Variants in CDH23 observed in about 807,000 individuals in gnomAD.
CDH23 encodes the protein cadherin related 23.
A neutral mutation model predicts 317.1 loss-of-function variants in CDH23; 189 were observed. The ratio of observed to expected loss-of-function variants is 0.60; its 90% CI spans 0.53 to 0.67. The LOEUF (loss-of-function observed/expected upper bound fraction) is 0.67. CDH23 is among the 30% of genes least tolerant of loss of function. The pLI, the probability that CDH23 is intolerant of heterozygous loss-of-function variation, is 0.00. For missense variants in CDH23, 4,401 were observed against 4,592.4 expected (o/e 0.96, Z 1.20); for synonymous variants, 1,839 against 1,876.8 (o/e 0.98, Z 0.52).
rs116149285 is a variant in CDH23, at chr10:71,468,042, G to A, written c.145+21647G>A. On this transcript the variant is annotated intron_variant, in intron 3 of 69. Transcript: ENST00000224721. ...CTTCCCTCTTAGAGAGGAATTGCGG[G>A]CGAAACAAACCCTGATGGAAGCTCT... Among the ~76,000 whole-genome samples the A allele has an allele frequency of 3.9e-3, 595 of 152,242 alleles. 4 individuals carry two copies. The highest frequency in any genetic ancestry group is 0.013 in the African/African-American group (554 of 41,528).
intron 14 of CDH23, among the ~76,000 whole-genome samples, chr10:71,650,305 C>T (rs1046866289): frequency 5.9e-5 from 9 of 152,226 alleles, no homozygotes; most frequent in Non-Finnish European, 4.4e-5. Context: ...ACCAAGGCAG[C>T]CCAGAGCTGT....
chr10:71,753,770 CA>C (rs1840065442), intron 38 of CDH23: 4 of 456,296 alleles, frequency 8.8e-6, no homozygotes, highest in South Asian at 6.2e-5. Context: ...GATGGGGAAA[CA>C]GATGGTGGGG....
At chr10:71,596,850 G>A (rs1314047236) in intron 9 of CDH23, among the ~76,000 whole-genome samples, 2 of 152,170 alleles carry the variant, frequency 1.3e-5, no homozygotes, top group Non-Finnish European at 2.9e-5. Flanking sequence ...ACTCCACAAT[G>A]CCCCTTGCCC....
Position 71,811,390 on chromosome 10 carries a change from GCCTGCCATCTCTGTCCGGC to G in CDH23, c.9154_9172del (p.Pro3052CysfsTer29). 6.2e-7 allele frequency: 1 copy of G among 1,613,954 alleles called. No individual in the cohort carries two copies. Among genetic ancestry groups the G allele is most frequent in the Non-Finnish European group, 8.5e-7 (1 of 1,179,904 alleles). ...GGAACTACAACGTCCTGGACGTGCA[GCCTGCCATCTCTGTCCGGC>G]TGCCGGATGACATGTCTGCCCTGCA... On this transcript the variant is annotated frameshift_variant, in exon 63 of 70. Transcript: ENST00000224721. LOFTEE classifies it high-confidence loss of function.
intron 6 of CDH23, among the ~76,000 whole-genome samples, chr10:71,529,612 A>G (rs898974011): frequency 2.6e-5 from 4 of 152,052 alleles, no homozygotes; most frequent in Admixed American, 2.0e-4. Context: ...GCATATCCCT[A>G]TTCCTCCCTC....
At position 71,740,177 on chromosome 10, in the gene CDH23, G is replaced by A. The variant is rs967599630; in HGVS notation, c.4488+405G>A. ...ATCCCCGTCTGGCCTGCCCTGTGGA[G>A]GGAAGAAGCAAGTGCAGGCTTGAGG... On this transcript the variant is annotated intron_variant, in intron 36 of 69. Transcript: ENST00000224721. 1.1e-4 allele frequency among the ~76,000 whole-genome samples: 16 copies of A among 152,354 alleles called. No homozygotes were observed. The East Asian group carries it at 3.1e-3, about 29-fold the overall frequency.
rs539904079 is a variant in CDH23 at position 71,650,477 on chromosome 10, C to A, written c.1449+3860C>A. Among the ~76,000 whole-genome samples, 8 of 152,190 alleles carry A rather than the reference C, an allele frequency of 5.3e-5. No homozygotes were observed. In the South Asian group the frequency reaches 1.7e-3, roughly 32 times the overall value. On this transcript the variant is annotated intron_variant, in intron 14 of 69. Transcript: ENST00000224721. ...GTGTATGGGGGTGTGTGTAGGCAGGCATGTTTTTTTGTGCCTGTGCATGTA... is the reference window on the plus strand; with the variant it reads ...GTGTATGGGGGTGTGTGTAGGCAGGAATGTTTTTTTGTGCCTGTGCATGTA...
At chr10:71,717,562 A>C (rs1866329112) in intron 28 of CDH23, 1 of 152,298 alleles carries the variant, frequency 6.6e-6, no homozygotes, top group Non-Finnish European at 1.5e-5. Context: ...CTTTTGGCTC[A>C]ATATGTCTGG....
At chr10:71,656,602 G>T (rs1289298962) in intron 14 of CDH23, among the ~76,000 whole-genome samples, 1 of 152,200 alleles carries the variant, frequency 6.6e-6, no homozygotes, top group Non-Finnish European at 1.5e-5. Context: ...CAGGGGCGGG[G>T]AGTGCCAGGG....
At chr10:71,457,350 A>G (rs1174411263) in intron 3 of CDH23, among the ~76,000 whole-genome samples, 1 of 152,212 alleles carries the variant, frequency 6.6e-6, no homozygotes, top group Middle Eastern at 3.2e-3. Flanking sequence ...AATCTGTTCT[A>G]GTACGATCAC....
intron 36 of CDH23, 87 bp downstream of exon 36, chr10:71,739,859 A>G (rs1839686511): frequency 3.5e-6 from 5 of 1,436,178 alleles, no homozygotes; most frequent in South Asian, 1.4e-5. Flanking sequence ...GAGCCTGTCC[A>G]TCAGCACACT....
intron 1 of CDH23, among the ~76,000 whole-genome samples, chr10:71,427,208 A>AGAAAG (rs1255066693): frequency 2.0e-5 from 2 of 97,854 alleles, no homozygotes; most frequent in Non-Finnish European, 4.0e-5. Flanking sequence ...AAAGAAAGAA[A>AGAAAG]GAAAGAAAGA....
At chr10:71,660,471 T>A (rs1665619) in intron 14 of CDH23, among the ~76,000 whole-genome samples, 1 of 151,794 alleles carries the variant, frequency 6.6e-6, no homozygotes, top group Admixed American at 6.5e-5. Context: ...TGGTCCCAGG[T>A]GGTTGCCAGA....
intron 3 of CDH23, among the ~76,000 whole-genome samples, chr10:71,506,736 A>AT (rs1188015613): frequency 5.0e-4 from 76 of 152,270 alleles, no homozygotes; most frequent in African/African-American, 1.6e-3. Flanking sequence ...CAGCTGGAAA[A>AT]TTGCAGGGCG....
chr10:71,646,830 C>A, intron 14 of CDH23: 5 of 1,489,098 alleles, frequency 3.4e-6, no homozygotes, highest in Non-Finnish European at 4.5e-6. Context: ...AGGAGCCAAC[C>A]TGAGGGGTGA....
intron 32 of CDH23, chr10:71,732,762 C>A: frequency 9.4e-7 from 1 of 1,062,100 alleles, no homozygotes; most frequent in Non-Finnish European, 1.2e-6. Flanking sequence ...TGTTTTCACA[C>A]CCATCACAGA....
At chr10:71,466,295 C>G (rs2132074340) in intron 3 of CDH23, among the ~76,000 whole-genome samples, 1 of 152,266 alleles carries the variant, frequency 6.6e-6, no homozygotes, top group South Asian at 2.1e-4. Flanking sequence ...TGTATACCTG[C>G]CCATGTGTGT....
At chr10:71,637,313 T>C (rs1862323433) in intron 11 of CDH23, among the ~76,000 whole-genome samples, 1 of 152,070 alleles carries the variant, frequency 6.6e-6, no homozygotes, top group South Asian at 2.1e-4. Context: ...CCTGCTCCTT[T>C]CATTTCTGGC....
intron 1 of CDH23, among the ~76,000 whole-genome samples, chr10:71,404,952 C>A (rs763989280): frequency 6.6e-6 from 1 of 152,094 alleles, no homozygotes; most frequent in African/African-American, 2.4e-5. Context: ...AATTTGGGAG[C>A]CAGCGAAAGC....
Sources: gnomAD v4.1 joint callset for allele counts (sites outside exome capture counted in the v4.1 genomes callset) on GRCh38, gnomAD v4.1.1 for gene constraint, MANE v1.5 for transcripts, NCBI Gene and HGNC (gene_info 2026-07-23, HGNC 2026-07-21) for gene names.